The following RALYL variants were observed in gnomAD, a reference collection of about 807,000 sequenced individuals.
RALYL encodes RNA-binding Raly-like protein.
Under a neutral mutation model 35.1 loss-of-function variants are expected in RALYL, and 29 were observed. The observed-to-expected ratio is 0.83, with a 90% confidence interval of 0.61 to 1.13. RALYL has a LOEUF of 1.13. Ranked by LOEUF, RALYL falls within the 50% of genes most tolerant of loss-of-function variation. The pLI is 0.00. For missense variants in RALYL, 359 were observed against 360.4 expected, an observed-to-expected ratio of 1.00 and a Z score of 0.03; for synonymous variants, 120 against 127.6, an observed-to-expected ratio of 0.94 and a Z score of 0.40.
rs916290930 is a variant in RALYL, at chr8:84,699,130, C to T, written c.257-75449C>T. On this transcript the variant is annotated intron_variant, in intron 2 of 8. Transcript: ENST00000521268. ...ATACATCCTATTCTGTAAACTCTTT[C>T]ATAGTAAAATTCTATGCATAATTTT... 3.9e-5 allele frequency among the ~76,000 whole-genome samples: 6 copies of T among 152,186 alleles called. No individual in the cohort carries two copies. In the East Asian group the frequency reaches 1.2e-3, roughly 29 times the overall value.
intron 3 of RALYL, among the ~76,000 whole-genome samples, chr8:84,784,387 C>T (rs970031262): frequency 8.5e-5 from 13 of 152,104 alleles, no homozygotes; most frequent in African/African-American, 3.1e-4. Flanking sequence ...AGCCCTTTTT[C>T]CTCGGTCATC....
intron 2 of RALYL, among the ~76,000 whole-genome samples, chr8:84,671,227 C>T (rs116626162): frequency 6.6e-6 from 1 of 152,164 alleles, no homozygotes; most frequent in African/African-American, 2.4e-5. Context: ...ACAGTCTTGG[C>T]CAGCTCTGTC....
At chr8:84,326,172 T>G (rs1382474611) in intron 1 of RALYL, among the ~76,000 whole-genome samples, 1 of 152,202 alleles carries the variant, frequency 6.6e-6, no homozygotes, top group Non-Finnish European at 1.5e-5. Flanking sequence ...TTATTCACTA[T>G]TAACAATAAA....
chr8:84,572,448 T>C (rs1808237709), intron 2 of RALYL, among the ~76,000 whole-genome samples: 1 of 151,746 alleles, frequency 6.6e-6, no homozygotes, highest in African/African-American at 2.4e-5. Context: ...CCATTTCCAC[T>C]TTTAGAACTC....
At chr8:84,896,064 T>C (rs531531686) in intron 8 of RALYL, among the ~76,000 whole-genome samples, 3 of 152,306 alleles carry the variant, frequency 2.0e-5, no homozygotes, top group South Asian at 4.1e-4. Flanking sequence ...GTGCTTCTTC[T>C]ACCTGCCCAC....
intron 1 of RALYL, among the ~76,000 whole-genome samples, chr8:84,330,963 A>G (rs7010984): frequency 3.9e-5 from 6 of 152,230 alleles, no homozygotes; most frequent in East Asian, 1.9e-4. Context: ...AATGGAGAGC[A>G]TTGTATGCTG....
At chr8:84,492,381 G>T (rs372042846) in intron 1 of RALYL, among the ~76,000 whole-genome samples, 64 of 151,804 alleles carry the variant, frequency 4.2e-4, no homozygotes, top group African/African-American at 1.5e-3. Flanking sequence ...AACATTTTTT[G>T]CAAAATTTAC....
rs562758913 is a variant in RALYL at position 84,510,208 on chromosome 8, C to T, written c.-23-19091C>T. Among the ~76,000 whole-genome samples, 9 of 152,174 alleles carry T rather than the reference C, an allele frequency of 5.9e-5. No homozygotes were observed. The South Asian group carries it at 1.9e-3, about 32-fold the overall frequency. ...TGGCTTTTATCATATAAGTTGTATA[C>T]ATATTTTGTTCGATTTATACCTATG... On this transcript the variant is annotated intron_variant, in intron 1 of 8. Coordinates refer to ENST00000521268, the MANE Select transcript of RALYL (RefSeq NM_173848.7).
In RALYL at chr8:84,494,674, T is replaced by C. The variant is rs541487762; in HGVS notation, c.-23-34625T>C. ...CTTTGTAGCAATCATGAATAGTAAT[T>C]CATTCATGATTTGGCTCTCTGTTTG... On this transcript the variant is annotated intron_variant, in intron 1 of 8. Coordinates refer to ENST00000521268, the MANE Select transcript of RALYL (RefSeq NM_173848.7). 4.6e-5 allele frequency among the ~76,000 whole-genome samples: 7 copies of C among 152,206 alleles called. No individual in the cohort carries two copies. The East Asian group carries it at 1.2e-3, about 25-fold the overall frequency.
chr8:84,815,386 A>T (rs1826947348), intron 4 of RALYL, among the ~76,000 whole-genome samples: 1 of 148,120 alleles, frequency 6.8e-6, no homozygotes, highest in Admixed American at 6.8e-5. Context: ...ATTTTAAACT[A>T]TTATAAGTAT....
At chr8:84,848,916 GT>G (rs1402875406) in intron 4 of RALYL, among the ~76,000 whole-genome samples, 1 of 152,112 alleles carries the variant, frequency 6.6e-6, no homozygotes, top group Non-Finnish European at 1.5e-5. Flanking sequence ...AGGTTGGGGA[GT>G]GTTGCGAGAT....
chr8:84,198,576 C>T (rs1460337141), intron 1 of RALYL, among the ~76,000 whole-genome samples: 1 of 152,092 alleles, frequency 6.6e-6, no homozygotes, highest in Non-Finnish European at 1.5e-5. Flanking sequence ...ATTATAGTCA[C>T]CTTGTTGTGC....
intron 1 of RALYL, among the ~76,000 whole-genome samples, chr8:84,301,248 G>C (rs73296708): frequency 0.046 from 7,040 of 151,982 alleles, 263 homozygotes; most frequent in African/African-American, 0.083. Flanking sequence ...ATGAAAGGTC[G>C]ACTGTTGGCC....
At chr8:84,497,831 C>T (rs545649343) in intron 1 of RALYL, among the ~76,000 whole-genome samples, 64 of 151,390 alleles carry the variant, frequency 4.2e-4, no homozygotes, top group Non-Finnish European at 8.6e-4. Flanking sequence ...TTAGTAGAGA[C>T]GGGGTTTCAC....
intron 2 of RALYL, among the ~76,000 whole-genome samples, chr8:84,627,784 G>T (rs1823061725): frequency 6.6e-6 from 1 of 151,798 alleles, no homozygotes; most frequent in Admixed American, 6.6e-5. Flanking sequence ...TTCTTTCACT[G>T]TTCAAATGAG....
intron 8 of RALYL, among the ~76,000 whole-genome samples, chr8:84,917,183 C>T (rs78466376): frequency 6.6e-4 from 100 of 152,000 alleles, no homozygotes; most frequent in Non-Finnish European, 8.4e-4. Context: ...GCTAAAAAGC[C>T]CTGTTGTTTC....
chr8:84,840,507 T>C (rs955455716), intron 4 of RALYL, among the ~76,000 whole-genome samples: 2 of 152,206 alleles, frequency 1.3e-5, no homozygotes, highest in Non-Finnish European at 2.9e-5. Flanking sequence ...TACCTGAAAG[T>C]GACTGGGAGA....
intron 2 of RALYL, among the ~76,000 whole-genome samples, chr8:84,531,754 C>T (rs1178798708): frequency 6.6e-6 from 1 of 152,002 alleles, no homozygotes; most frequent in Non-Finnish European, 1.5e-5. Context: ...AAGCCTGATT[C>T]ACTTTTTAAT....
intron 1 of RALYL, among the ~76,000 whole-genome samples, chr8:84,269,143 A>C (rs1327081567): frequency 1.3e-5 from 2 of 152,192 alleles, no homozygotes; most frequent in Admixed American, 1.3e-4. Flanking sequence ...AGGTCTTTCA[A>C]GAGCAATACC....
Sources: allele counts gnomAD v4.1 joint callset (sites outside exome capture counted in the v4.1 genomes callset), GRCh38; gene constraint gnomAD v4.1.1; transcripts MANE v1.5; gene names NCBI Gene and HGNC (gene_info 2026-07-23, HGNC 2026-07-21).